LUC7L2: variants seen among roughly 807,000 people sequenced by gnomAD.
LUC7L2 encodes the protein LUC7 like 2, pre-mRNA splicing factor.
LUC7L2 carries 25 observed loss-of-function variants against 52.8 expected under a neutral mutation model. The ratio of observed to expected loss-of-function variants is 0.47; its 90% CI spans 0.34 to 0.66. LUC7L2 has a LOEUF of 0.66. Ranked by LOEUF, LUC7L2 falls within the 30% of genes least tolerant of loss-of-function variation. The pLI, the probability that LUC7L2 is intolerant of heterozygous loss-of-function variation, is 0.01. For missense variants in LUC7L2, 328 were observed against 497.8 expected, an observed-to-expected ratio of 0.66 and a Z score of 3.25; for synonymous variants, 144 against 160.9, an observed-to-expected ratio of 0.89 and a Z score of 0.80.
intron 1 of LUC7L2, among the ~76,000 whole-genome samples, chr7:139,353,111 C>T (rs990056517): frequency 2.0e-5 from 3 of 152,012 alleles, no homozygotes; most frequent in South Asian, 2.1e-4. Flanking sequence ...GGCAGAGAAT[C>T]GCTTAAACCT....
At chr7:139,417,386 A>G in intron 8 of LUC7L2, 152 bp from the exon 9 acceptor site, 5 of 990,192 alleles carry the variant, frequency 5.0e-6, no homozygotes, top group African/African-American at 1.6e-5. Context: ...GTAGTTATTA[A>G]CACACCAGCA....
At chr7:139,403,931 G>C (rs1795017369) in intron 4 of LUC7L2, among the ~76,000 whole-genome samples, 1 of 152,174 alleles carries the variant, frequency 6.6e-6, no homozygotes, top group Non-Finnish European at 1.5e-5. Context: ...TACCATCTCA[G>C]TAACCAAAGC....
chr7:139,341,208 C>T (rs1464565959), intron 1 of LUC7L2: 9 of 1,168,234 alleles, frequency 7.7e-6, no homozygotes, highest in Admixed American at 3.0e-5. Context: ...TTACGGCGCC[C>T]CTGGGCCTTC....
intron 4 of LUC7L2, 61 bp from the exon 5 acceptor site, chr7:139,405,583 C>G (rs1795084151): frequency 6.6e-7 from 1 of 1,507,124 alleles, no homozygotes; most frequent in Non-Finnish European, 8.8e-7. Flanking sequence ...TTCTGAAATA[C>G]TTTGAAATTT....
upstream of LUC7L2, among the ~76,000 whole-genome samples, chr7:139,357,506 T>C (rs975674835): frequency 3.3e-5 from 5 of 152,194 alleles, no homozygotes; most frequent in Admixed American, 6.5e-5. Flanking sequence ...TACACTGTTT[T>C]TCAGGGTCAG....
At position 139,423,382 on chromosome 7, in the gene LUC7L2, C is replaced by T. The variant is rs1569400114; in HGVS notation, c.*1042C>T. The T allele has an allele frequency of 1.3e-5, 5 of 398,838 alleles. No homozygotes were observed. The highest frequency in any genetic ancestry group is 1.3e-4 in the South Asian group (1 of 7,850). 24.7% of individuals were successfully genotyped at this position (398,838 alleles called of 1,614,324 possible). On this transcript the variant is annotated 3_prime_UTR_variant, in exon 10 of 10. Transcript: ENST00000354926. The stretch of plus-strand genomic sequence containing the variant: ...GTAATGACCGTTATAGAGAAGGGCT[C>T]GACCTGCAGAAGAAACTGGGGTGTT...
chr7:139,410,979 T>C (rs1003442451), intron 7 of LUC7L2, among the ~76,000 whole-genome samples: 3 of 152,186 alleles, frequency 2.0e-5, no homozygotes, highest in Admixed American at 2.0e-4. Context: ...ACTGTAAAGT[T>C]TACCTCAGAG....
At chr7:139,373,520 G>A (rs1309292116) in intron 1 of LUC7L2, among the ~76,000 whole-genome samples, 1 of 151,918 alleles carries the variant, frequency 6.6e-6, no homozygotes, top group African/African-American at 2.4e-5. Flanking sequence ...AATGTTTTTT[G>A]GCATTTATAG....
chr7:139,350,270 C>A lies in LUC7L2; in HGVS notation c.-26+9753C>A, dbSNP rs35103167. On this transcript the variant is annotated intron_variant, in intron 1 of 10. Transcript: ENST00000541170. ...CTGAGTAGCTGGGACTACAGGCGCC[C>A]GCCACCACGCCCGGCTAATTTTTTG... 1.1e-4 allele frequency among the ~76,000 whole-genome samples: 16 copies of A among 152,010 alleles called. No homozygotes were observed. The South Asian group carries it at 2.9e-3, about 28-fold the overall frequency.
intron 1 of LUC7L2, chr7:139,363,318 A>G (rs905595428): frequency 5.9e-6 from 5 of 846,460 alleles, no homozygotes; most frequent in South Asian, 1.1e-4. Context: ...AGTGTAACTC[A>G]TACCCATATA....
At chr7:139,356,615 T>TA (rs112295252), upstream of LUC7L2, among the ~76,000 whole-genome samples, 53,211 of 141,218 alleles carry the variant, frequency 0.38, 13,067 homozygotes, top group African/African-American at 0.71. Flanking sequence ...AAACCTGCGT[T>TA]AAAAAAAAAA....
chr7:139,421,103 T>G (rs1328977438), intron 9 of LUC7L2, among the ~76,000 whole-genome samples: 1 of 152,190 alleles, frequency 6.6e-6, no homozygotes, highest in African/African-American at 2.4e-5. Flanking sequence ...GCCCAGTCTT[T>G]TTATATCATT....
At chr7:139,359,498 A>G (rs940378139), upstream of LUC7L2, 3 of 218,398 alleles carry the variant, frequency 1.4e-5, no homozygotes, top group Non-Finnish European at 2.7e-5. Flanking sequence ...GTTCGCCCCG[A>G]GCACGCCCAC....
chr7:139,343,944 AAAG>A (rs1466141993), intron 1 of LUC7L2, among the ~76,000 whole-genome samples: 3 of 151,426 alleles, frequency 2.0e-5, no homozygotes, highest in Admixed American at 6.6e-5. Flanking sequence ...AAAAAAAAAA[AAAG>A]AGTTGGTGGG....
At chr7:139,359,221 G>GA (rs1480516032), upstream of LUC7L2, 1 of 152,234 alleles carries the variant, frequency 6.6e-6, no homozygotes, top group East Asian at 1.9e-4. Flanking sequence ...CCCAGTAGCT[G>GA]AGAATACGCT....
intron 9 of LUC7L2, among the ~76,000 whole-genome samples, chr7:139,419,813 A>T (rs918978426): frequency 1.3e-5 from 2 of 152,206 alleles, no homozygotes; most frequent in Non-Finnish European, 2.9e-5. Context: ...AAAACTATTA[A>T]AAGTTTTGCT....
intron 1 of LUC7L2, among the ~76,000 whole-genome samples, chr7:139,374,075 ATT>A (rs1022098269): frequency 7.9e-5 from 12 of 152,190 alleles, no homozygotes; most frequent in African/African-American, 2.9e-4. Context: ...TCATAGCACC[ATT>A]CTAACATGAG....
At chr7:139,403,288 T>C (rs1253033037) in intron 4 of LUC7L2, among the ~76,000 whole-genome samples, 1 of 152,220 alleles carries the variant, frequency 6.6e-6, no homozygotes, top group Non-Finnish European at 1.5e-5. Flanking sequence ...AGTCGATTTA[T>C]TAGAATCCAA....
chr7:139,401,789 T>G (rs4732373), intron 3 of LUC7L2, among the ~76,000 whole-genome samples: 56,228 of 147,812 alleles, frequency 0.38, 15,078 homozygotes, highest in African/African-American at 0.77. Context: ...GGTCTCGCTG[T>G]GTCACCCAGA....
Sources: gnomAD v4.1 joint callset for allele counts (sites outside exome capture counted in the v4.1 genomes callset) on GRCh38, gnomAD v4.1.1 for gene constraint, MANE v1.5 for transcripts, NCBI Gene and HGNC (gene_info 2026-07-23, HGNC 2026-07-21) for gene names.